TEX14: variants seen among roughly 807,000 people sequenced by gnomAD.
The protein encoded by TEX14 is testis expressed 14, intercellular bridge forming factor.
A neutral mutation model predicts 178.6 loss-of-function variants in TEX14; 168 were observed. The observed-to-expected ratio is 0.94, with a 90% CI of 0.83 to 1.07. The LOEUF (loss-of-function observed/expected upper bound fraction) is 1.07. Ranked by LOEUF, TEX14 falls within the 50% of genes least tolerant of loss-of-function variation. The probability of loss-of-function intolerance (pLI) is 0.00; values close to 1 mark genes in which losing one functional copy is unlikely to be tolerated. For synonymous variants in TEX14, 626 were observed against 634.1 expected (o/e 0.99, Z 0.19); for missense variants, 1,730 against 1,753.6 (o/e 0.99, Z 0.24).
chr17:58,684,514 G>T lies in TEX14; in HGVS notation c.-2+7425C>A, dbSNP rs191581065. ...TAGCCGGGCATGGTGACACGTGCCT[G>T]TTCCCAGCTACTCTGGAGGCTGAGG... is the stretch of plus-strand genomic sequence containing the variant. On this transcript the variant is annotated intron_variant, in intron 1 of 31. Transcript: ENST00000349033. Among the ~76,000 whole-genome samples the T allele has an allele frequency of 1.7e-3, 256 of 151,126 alleles. 3 individuals carry two copies. Among genetic ancestry groups the T allele is most frequent in the Non-Finnish European group, 8.6e-4 (58 of 67,768 alleles).
At chr17:58,572,186 CT>C (rs2044548419) in intron 23 of TEX14, 60 bp from the exon 24 acceptor site, 9 of 1,315,232 alleles carry the variant, frequency 6.8e-6, no homozygotes, top group East Asian at 2.3e-5. Context: ...TCCTTTTTTC[CT>C]TTTTCCCTTT....
In TEX14 at chr17:58,670,047, C is replaced by A. The variant is rs187377619; in HGVS notation, c.-1-18045G>T. The stretch of plus-strand genomic sequence containing the variant: ...CCGCAGCCTCTTTCCAGCCTCAGAG[C>A]CTTTGCCTGTGTAGTTCCCCTTGCT... On this transcript the variant is annotated intron_variant, in intron 1 of 31. Transcript: ENST00000349033. Among the ~76,000 whole-genome samples, 261 of 152,310 alleles carry A rather than the reference C, an allele frequency of 1.7e-3. 3 individuals carry two copies. Among genetic ancestry groups the A allele is most frequent in the Non-Finnish European group, 8.5e-4 (58 of 68,028 alleles).
chr17:58,670,122 C>T (rs573080346), intron 1 of TEX14, among the ~76,000 whole-genome samples: 7 of 152,312 alleles, frequency 4.6e-5, no homozygotes, highest in Non-Finnish European at 8.8e-5. Context: ...TCTCTTCCCA[C>T]GCTGAGCTCC....
chr17:58,676,416 C>T (rs1485955402), intron 1 of TEX14, among the ~76,000 whole-genome samples: 1 of 151,688 alleles, frequency 6.6e-6, no homozygotes, highest in Non-Finnish European at 1.5e-5. Context: ...CAAAAAAACC[C>T]AGGCGTGGTG....
intron 24 of TEX14, 83 bp downstream of exon 24, chr17:58,571,838 A>G: frequency 8.1e-7 from 1 of 1,227,348 alleles, no homozygotes; most frequent in Non-Finnish European, 1.2e-6. Context: ...TTCTTAATGA[A>G]TTTGGAGAAA....
At chr17:58,641,051 G>A (rs145091159) in intron 2 of TEX14, among the ~76,000 whole-genome samples, 125 of 152,222 alleles carry the variant, frequency 8.2e-4, no homozygotes, top group African/African-American at 2.8e-3. Context: ...TCAGAGGTTA[G>A]GGAAGGAGAG....
At chr17:58,646,732 G>C (rs529495607) in intron 2 of TEX14, among the ~76,000 whole-genome samples, 1 of 152,132 alleles carries the variant, frequency 6.6e-6, no homozygotes. Context: ...GATGAATCTT[G>C]TGTGCTGACT....
intron 19 of TEX14, among the ~76,000 whole-genome samples, chr17:58,581,235 C>T (rs1213749327): frequency 3.3e-5 from 5 of 150,792 alleles, no homozygotes; most frequent in Admixed American, 1.3e-4. Flanking sequence ...CGCTTGAACC[C>T]GGGAGGCAGA....
At position 58,623,052 on chromosome 17, in the gene TEX14, G is replaced by C. The variant is rs749903530; in HGVS notation, c.252-40C>G. On this transcript the variant is annotated intron_variant, in intron 3 of 31. Coordinates refer to ENST00000349033, the MANE Select transcript of TEX14 (RefSeq NM_031272.5). ...GAGTACAATTGATGTCCATGGCAAT[G>C]CTCCTGCATTCCATGGAGCGGGGCT... The C allele has an allele frequency of 9.6e-6, 15 of 1,554,560 alleles. No individual in the cohort carries two copies. The South Asian group carries it at 1.7e-4, about 18-fold the overall frequency.
At chr17:58,599,729 T>C in intron 13 of TEX14, 63 bp from the exon 14 acceptor site, 1 of 1,388,960 alleles carries the variant, frequency 7.2e-7, no homozygotes, top group Non-Finnish European at 9.8e-7. Context: ...CTAAGCAGCC[T>C]TGGCTTGTTC....
chr17:58,652,777 TAG>T (rs1210567827), intron 1 of TEX14, among the ~76,000 whole-genome samples: 1 of 152,336 alleles, frequency 6.6e-6, no homozygotes, highest in East Asian at 1.9e-4. Flanking sequence ...TATGTAAAGC[TAG>T]ATAGTATAAC....
chr17:58,674,695 G>C (rs184424632), intron 1 of TEX14, among the ~76,000 whole-genome samples: 1 of 151,182 alleles, frequency 6.6e-6, no homozygotes, highest in East Asian at 1.9e-4. Context: ...ACACTAAGAA[G>C]AAAACATAGA....
At chr17:58,601,741 C>T (rs2045452029) in intron 13 of TEX14, 65 bp downstream of exon 13, 2 of 1,442,270 alleles carry the variant, frequency 1.4e-6, no homozygotes, top group Non-Finnish European at 9.7e-7. Flanking sequence ...CAATTAGTTG[C>T]AGCTCATGTG....
intron 17 of TEX14, 54 bp from the exon 18 acceptor site, chr17:58,586,136 A>G: frequency 6.5e-7 from 1 of 1,531,640 alleles, no homozygotes; most frequent in Non-Finnish European, 8.8e-7. Context: ...CTGGAAACAC[A>G]GGCTTTCATC....
chr17:58,565,733 G>C lies in TEX14; in HGVS notation c.3964+14C>G. The C allele has an allele frequency of 1.3e-6, 2 of 1,592,718 alleles. No homozygotes were observed. The highest frequency in any genetic ancestry group is 1.7e-6 in the Non-Finnish European group (2 of 1,164,508). On this transcript the variant is annotated intron_variant, in intron 27 of 31. Transcript: ENST00000349033. ...AAAAGAACCTGATGAAAACAATCTAGGTAGTTCACTTACCATTTGCAGTGC... is the reference window on the plus strand; with the variant it reads ...AAAAGAACCTGATGAAAACAATCTACGTAGTTCACTTACCATTTGCAGTGC...
chr17:58,609,244 G>C (rs894915404), intron 10 of TEX14, among the ~76,000 whole-genome samples: 9 of 152,136 alleles, frequency 5.9e-5, no homozygotes, highest in Non-Finnish European at 1.0e-4. Context: ...CGAGTAGCCG[G>C]GACTACAGGC....
At chr17:58,564,788 TATTTGTCAATATTAGAAAAAAACCTAAC>T in intron 28 of TEX14, 53 bp downstream of exon 28, 1 of 816,500 alleles carries the variant, frequency 1.2e-6, no homozygotes, top group Non-Finnish European at 1.9e-6. Context: ...TTTTCTTTCT[TATTTGTCAATATTAGAAAAAAACCTAAC>T]ATAAACTATA....
intron 1 of TEX14, among the ~76,000 whole-genome samples, chr17:58,677,119 CAAAA>C (rs35953337): frequency 3.8e-5 from 3 of 78,654 alleles, no homozygotes; most frequent in African/African-American, 1.4e-4. Context: ...AACTCCGTCT[CAAAA>C]AAAAAAAAAA....
chr17:58,565,036 A>G (rs2044369353), intron 27 of TEX14, 68 bp from the exon 28 acceptor site: 1 of 1,032,398 alleles, frequency 9.7e-7, no homozygotes, highest in Admixed American at 2.3e-5. Flanking sequence ...GCCTTAAAAT[A>G]GAGTGCAAAA....
Sources: allele counts gnomAD v4.1 joint callset (sites outside exome capture counted in the v4.1 genomes callset), GRCh38; gene constraint gnomAD v4.1.1; transcripts MANE v1.5; gene names NCBI Gene and HGNC (gene_info 2026-07-23, HGNC 2026-07-21).